The following SH3GL2 variants were observed in gnomAD, a reference collection of about 807,000 sequenced individuals.
SH3GL2 encodes the protein SH3 domain containing GRB2 like 2, endophilin A1, also known as endophilin-A1.
In SH3GL2, 24 loss-of-function variants were observed where a neutral mutation model predicts 46.0. The ratio of observed to expected loss-of-function variants is 0.52; its 90% CI spans 0.38 to 0.73. The LOEUF (loss-of-function observed/expected upper bound fraction) is 0.73. Ranked by LOEUF, SH3GL2 falls within the 30% of genes least tolerant of loss-of-function variation. The pLI, the probability that SH3GL2 is intolerant of heterozygous loss-of-function variation, is 0.00. For missense variants in SH3GL2, 413 were observed against 424.2 expected (o/e 0.97, Z 0.23); for synonymous variants, 196 against 147.1 (o/e 1.33, Z -2.40).
chr9:17,600,034 T>C (rs1818640933), intron 1 of SH3GL2, among the ~76,000 whole-genome samples: 2 of 152,130 alleles, frequency 1.3e-5, no homozygotes, highest in African/African-American at 4.8e-5. Flanking sequence ...ATAACACTTA[T>C]TTTGGGCTCC....
At chr9:17,673,433 A>G (rs905102527) in intron 1 of SH3GL2, among the ~76,000 whole-genome samples, 1 of 151,546 alleles carries the variant, frequency 6.6e-6, no homozygotes, top group Non-Finnish European at 1.5e-5. Flanking sequence ...GGCATGAGCC[A>G]CCACGCCTGG....
intron 6 of SH3GL2, among the ~76,000 whole-genome samples, chr9:17,790,181 T>C (rs1824082994): frequency 1.3e-5 from 2 of 152,164 alleles, no homozygotes; most frequent in African/African-American, 2.4e-5. Context: ...TTGCCTTTCC[T>C]CTGCTTTTTA....
intron 1 of SH3GL2, among the ~76,000 whole-genome samples, chr9:17,681,424 G>A (rs1331828697): frequency 6.6e-6 from 1 of 152,068 alleles, no homozygotes; most frequent in Non-Finnish European, 1.5e-5. Context: ...CTAAATTTGT[G>A]TTAGGGTTTC....
intron 3 of SH3GL2, among the ~76,000 whole-genome samples, chr9:17,770,855 G>A (rs1040433441): frequency 1.2e-4 from 18 of 152,220 alleles, no homozygotes; most frequent in African/African-American, 3.9e-4. Flanking sequence ...TGAACAGCCC[G>A]GACTCAGGAA....
At chr9:17,653,984 G>GAATACAGCACACAA in intron 1 of SH3GL2, 2 of 301,660 alleles carry the variant, frequency 6.6e-6, no homozygotes, top group Non-Finnish European at 9.8e-6. Flanking sequence ...GCAGTTGTGT[G>GAATACAGCACACAA]CTGTATTCAC....
intron 1 of SH3GL2, among the ~76,000 whole-genome samples, chr9:17,626,010 C>T (rs1819271683): frequency 6.6e-6 from 1 of 152,220 alleles, no homozygotes; most frequent in African/African-American, 2.4e-5. Context: ...TTGTCCTTTA[C>T]TTCAGTCTTC....
chr9:17,738,541 CATAAGTGTGTGTGTATATACATACATAT>C (rs1822413235), intron 1 of SH3GL2, among the ~76,000 whole-genome samples: 1 of 78,426 alleles, frequency 1.3e-5, no homozygotes, highest in Admixed American at 1.2e-4. Context: ...TACATATATA[CATAAGTGTGTGTGTATATACATACATAT>C]ATATATAGAG....
intron 2 of SH3GL2, among the ~76,000 whole-genome samples, chr9:17,757,018 C>G (rs1359725857): frequency 1.3e-5 from 2 of 152,302 alleles, no homozygotes; most frequent in Admixed American, 6.5e-5. Flanking sequence ...GATTACCATT[C>G]TAACTGGTGT....
At chr9:17,738,818 C>T (rs190700730) in intron 1 of SH3GL2, among the ~76,000 whole-genome samples, 1 of 152,014 alleles carries the variant, frequency 6.6e-6, no homozygotes, top group Non-Finnish European at 1.5e-5. Context: ...AGAGTCAGCT[C>T]AGCTTTGTTC....
chr9:17,605,690 G>T (rs1818748722), intron 1 of SH3GL2, among the ~76,000 whole-genome samples: 1 of 152,128 alleles, frequency 6.6e-6, no homozygotes, highest in Non-Finnish European at 1.5e-5. Context: ...TGTGTTCAGT[G>T]TACATATGTT....
At chr9:17,695,775 G>T (rs889855089) in intron 1 of SH3GL2, among the ~76,000 whole-genome samples, 3 of 148,734 alleles carry the variant, frequency 2.0e-5, no homozygotes, top group Non-Finnish European at 2.9e-5. Context: ...AATCTATCCA[G>T]ATTTTTTTAA....
chr9:17,580,066 A>C (rs1282310209), intron 1 of SH3GL2, among the ~76,000 whole-genome samples: 1 of 152,184 alleles, frequency 6.6e-6, no homozygotes, highest in African/African-American at 2.4e-5. Context: ...ACTGTAATAA[A>C]ACTGATTAAT....
intron 1 of SH3GL2, among the ~76,000 whole-genome samples, chr9:17,605,800 G>C (rs992337445): frequency 3.9e-5 from 6 of 152,078 alleles, no homozygotes; most frequent in African/African-American, 7.2e-5. Context: ...TCAATATTGT[G>C]GACATTCAAA....
rs1174509158 is a variant in SH3GL2, at chr9:17,669,810, A to C, written c.46-77256A>C. On this transcript the variant is annotated intron_variant, in intron 1 of 8. Transcript: ENST00000380607. Reference sequence around the variant, plus strand: ...TGAAGTGGCCTTGTTTTCTGGGGTGACGCTCAGAATTCTTGGTCTCATAGC... The same window carrying C: ...TGAAGTGGCCTTGTTTTCTGGGGTGCCGCTCAGAATTCTTGGTCTCATAGC... 1.6e-4 allele frequency among the ~76,000 whole-genome samples: 25 copies of C among 152,130 alleles called. 1 individual carries two copies. Among genetic ancestry groups the C allele is most frequent in the Admixed American group, 1.6e-3 (25 of 15,280 alleles).
intron 2 of SH3GL2, among the ~76,000 whole-genome samples, chr9:17,749,381 A>G (rs916482133): frequency 1.3e-5 from 2 of 152,154 alleles, no homozygotes; most frequent in East Asian, 3.8e-4. Context: ...TGAACAGCCC[A>G]TGGGTTAATC....
chr9:17,627,887 T>C (rs143462816), intron 1 of SH3GL2, among the ~76,000 whole-genome samples: 261 of 152,286 alleles, frequency 1.7e-3, no homozygotes, highest in African/African-American at 5.8e-3. Context: ...ATAACAGTGG[T>C]CTGGGAAGAC....
At chr9:17,643,737 GTATTT>G (rs1819740082) in intron 1 of SH3GL2, among the ~76,000 whole-genome samples, 1 of 152,200 alleles carries the variant, frequency 6.6e-6, no homozygotes, top group Non-Finnish European at 1.5e-5. Flanking sequence ...CGGTTTGTCA[GTATTT>G]TATTGAGCAT....
At chr9:17,787,900 T>C (rs980245694) in intron 5 of SH3GL2, among the ~76,000 whole-genome samples, 1 of 152,224 alleles carries the variant, frequency 6.6e-6, no homozygotes, top group Non-Finnish European at 1.5e-5. Flanking sequence ...TAAATAGTTA[T>C]TCTATCACTG....
chr9:17,595,409 G>C (rs566425741), intron 1 of SH3GL2, among the ~76,000 whole-genome samples: 1 of 152,336 alleles, frequency 6.6e-6, no homozygotes, highest in East Asian at 1.9e-4. Context: ...TGTTTAGATT[G>C]GCAGAGATGA....
Sources: gnomAD v4.1 joint callset for allele counts (sites outside exome capture counted in the v4.1 genomes callset) on GRCh38, gnomAD v4.1.1 for gene constraint, MANE v1.5 for transcripts, NCBI Gene and HGNC (gene_info 2026-07-23, HGNC 2026-07-21) for gene names.